Variants in RGS13 observed in about 807,000 individuals in gnomAD.
The protein encoded by RGS13 is regulator of G protein signaling 13, also known as regulator of G-protein signalling 13.
A neutral mutation model predicts 19.9 loss-of-function variants in RGS13; 14 were observed. The ratio of observed to expected loss-of-function variants is 0.70; its 90% CI spans 0.46 to 1.10. The LOEUF (loss-of-function observed/expected upper bound fraction) is 1.10, where lower values mean the gene tolerates loss of function less well. RGS13 is among the 50% of genes least tolerant of loss of function. The pLI, the probability that RGS13 is intolerant of heterozygous loss-of-function variation, is 0.00. For synonymous variants in RGS13, 60 were observed against 56.8 expected, an observed-to-expected ratio of 1.06 and a Z score of -0.25; for missense variants, 205 against 187.1, an observed-to-expected ratio of 1.10 and a Z score of -0.56.
rs562672766 is a variant in RGS13 at position 192,658,409 on chromosome 1, C to T, written c.294+42C>T. ...GACAGGAATGGAAATCAGTTCATCC[C>T]TGCAAGGGCATTAATATCTGTCAAG... On this transcript the variant is annotated intron_variant, in intron 6 of 6. Coordinates refer to ENST00000391995, the MANE Select transcript of RGS13 (RefSeq NM_002927.5). The T allele has an allele frequency of 3.5e-4, 549 of 1,565,020 alleles. 6 individuals are homozygous for T. In the South Asian group the frequency reaches 6.0e-3, roughly 17 times the overall value.
At position 192,647,926 on chromosome 1, in the gene RGS13, C is replaced by T; in HGVS notation, c.66C>T (p.Asn22=). The T allele has an allele frequency of 6.3e-7, 1 of 1,587,772 alleles. No homozygotes were observed. The highest frequency in any genetic ancestry group is 8.6e-7 in the Non-Finnish European group (1 of 1,165,848). ...CRDESKRPPS[N]LTLEEVLQWA... is the part of the protein sequence containing the mutation. ...CAGTGCTTTTTGTTTCTTTTCAAAG[C>T]CTTACTTTGGAGGAAGTATTACAGT... Residue 22 remains asparagine, a splice_region_variant and synonymous_variant, in exon 5 of 7, where the codon AAC becomes AAT. Coordinates refer to ENST00000391995, the MANE Select transcript of RGS13 (RefSeq NM_002927.5).
intron 5 of RGS13, among the ~76,000 whole-genome samples, chr1:192,648,304 C>T (rs538963686): frequency 6.6e-6 from 1 of 152,282 alleles, no homozygotes; most frequent in Non-Finnish European, 1.5e-5. Flanking sequence ...ACACTTAACT[C>T]GCTGTTCTTG....
chr1:192,650,535 A>G (rs1264866972), intron 5 of RGS13, among the ~76,000 whole-genome samples: 1 of 152,114 alleles, frequency 6.6e-6, no homozygotes, highest in African/African-American at 2.4e-5. Flanking sequence ...TTCTAAGGAC[A>G]GTAGCTCAGA....
chr1:192,644,456 T>C (rs1278415971), intron 4 of RGS13, 57 bp downstream of exon 4: 4 of 1,274,950 alleles, frequency 3.1e-6, no homozygotes, highest in Non-Finnish European at 4.5e-6. Context: ...AGATGATAAA[T>C]AGGTACATAT....
At chr1:192,640,149 G>A (rs979203571) in intron 3 of RGS13, among the ~76,000 whole-genome samples, 1 of 152,084 alleles carries the variant, frequency 6.6e-6, no homozygotes, top group African/African-American at 2.4e-5. Context: ...TCACAGAGAA[G>A]ACATGTGAAG....
intron 1 of RGS13, among the ~76,000 whole-genome samples, 161 bp from the exon 2 acceptor site, chr1:192,637,429 A>T (rs986570005): frequency 1.3e-5 from 2 of 151,998 alleles, no homozygotes; most frequent in African/African-American, 4.8e-5. Flanking sequence ...GAGTTAATAA[A>T]TAAAAATGGG....
At chr1:192,639,646 C>A (rs892209948) in intron 3 of RGS13, among the ~76,000 whole-genome samples, 3 of 152,058 alleles carry the variant, frequency 2.0e-5, no homozygotes, top group African/African-American at 7.2e-5. Flanking sequence ...AACTTAGGAA[C>A]TATTTCATTT....
At chr1:192,637,926 A>C (rs1663042822) in intron 2 of RGS13, among the ~76,000 whole-genome samples, 1 of 152,108 alleles carries the variant, frequency 6.6e-6, no homozygotes, top group South Asian at 2.1e-4. Context: ...TTTTGTAAAA[A>C]ATTAGAACAT....
At position 192,652,662 on chromosome 1, in the gene RGS13, T is replaced by G. The variant is rs1161783835; in HGVS notation, c.127+4675T>G. Among the ~76,000 whole-genome samples, 5 of 152,048 alleles carry G rather than the reference T, an allele frequency of 3.3e-5. No homozygotes were observed. The South Asian group carries it at 8.3e-4, about 25-fold the overall frequency. Reference sequence around the variant, plus strand: ...AGCAATAGCATTTCAGATATAAACCTGTCGTCTTTAGTGCTTCCTAGATGT... The same window carrying G: ...AGCAATAGCATTTCAGATATAAACCGGTCGTCTTTAGTGCTTCCTAGATGT... On this transcript the variant is annotated intron_variant, in intron 5 of 6. Coordinates refer to ENST00000391995, the MANE Select transcript of RGS13 (RefSeq NM_002927.5).
At position 192,658,380 on chromosome 1, in the gene RGS13, C is replaced by A; in HGVS notation, c.294+13C>A. On this transcript the variant is annotated intron_variant, in intron 6 of 6. Transcript: ENST00000391995. ...GTCCCCTAGAGAGGTAACTACCTGA[C>A]AATGACAGGAATGGAAATCAGTTCA... 1 of 1,603,044 alleles carries A rather than the reference C, an allele frequency of 6.2e-7. No individual in the cohort carries two copies. Among genetic ancestry groups the A allele is most frequent in the Non-Finnish European group, 8.5e-7 (1 of 1,175,554 alleles).
intron 3 of RGS13, among the ~76,000 whole-genome samples, chr1:192,642,616 A>G (rs1219002989): frequency 6.6e-6 from 1 of 151,814 alleles, no homozygotes; most frequent in Non-Finnish European, 1.5e-5. Flanking sequence ...CCTGAGCCAC[A>G]GTGCTGAGCC....
At chr1:192,647,615 A>T (rs573177472) in intron 4 of RGS13, 36 of 158,112 alleles carry the variant, frequency 2.3e-4, no homozygotes, top group Non-Finnish European at 4.2e-4. Context: ...AAAAGACTTT[A>T]AAAAACTACA....
chr1:192,641,349 AAGAG>A (rs763600403), intron 3 of RGS13, among the ~76,000 whole-genome samples: 2 of 150,898 alleles, frequency 1.3e-5, no homozygotes, highest in Admixed American at 6.6e-5. Flanking sequence ...GAGAGAAAGA[AAGAG>A]AGAGAGAGGG....
chr1:192,649,506 A>G (rs1663298625), intron 5 of RGS13, among the ~76,000 whole-genome samples: 1 of 152,162 alleles, frequency 6.6e-6, no homozygotes, highest in Non-Finnish European at 1.5e-5. Context: ...GCACACAATA[A>G]TTGGTAGTTT....
intron 3 of RGS13, among the ~76,000 whole-genome samples, chr1:192,641,288 AAGAAAGAAAGAAAGAAAG>A (rs1256826291): frequency 2.4e-3 from 290 of 120,130 alleles, no homozygotes; most frequent in East Asian, 0.018. Context: ...GAAAGAAAGA[AAGAAAGAAAGAAAGAAAG>A]AAAAGAAAGA....
At chr1:192,644,048 T>A (rs1663172420) in intron 3 of RGS13, among the ~76,000 whole-genome samples, 1 of 152,180 alleles carries the variant, frequency 6.6e-6, no homozygotes, top group Admixed American at 6.5e-5. Context: ...AAGATCTTTT[T>A]CAGAGATTTG....
intron 5 of RGS13, among the ~76,000 whole-genome samples, chr1:192,657,365 T>C (rs375111341): frequency 3.9e-5 from 6 of 152,144 alleles, no homozygotes; most frequent in African/African-American, 1.4e-4. Context: ...CCAATTAATA[T>C]GTTAGATTTG....
At chr1:192,644,482 T>C (rs1571580783) in intron 4 of RGS13, 83 bp downstream of exon 4, 3 of 1,020,532 alleles carry the variant, frequency 2.9e-6, no homozygotes, top group Non-Finnish European at 4.5e-6. Context: ...AAACTGCTAT[T>C]GTAACATATT....
intron 3 of RGS13, 81 bp from the exon 4 acceptor site, chr1:192,644,250 T>C: frequency 2.0e-6 from 2 of 1,000,896 alleles, no homozygotes; most frequent in East Asian, 2.7e-5. Flanking sequence ...TTTATAATAT[T>C]GTATGTTCCT....
Sources: gnomAD v4.1 joint callset for allele counts (sites outside exome capture counted in the v4.1 genomes callset) on GRCh38, gnomAD v4.1.1 for gene constraint, MANE v1.5 for transcripts, NCBI Gene and HGNC (gene_info 2026-07-23, HGNC 2026-07-21) for gene names.